Variants in UPF2 observed in about 807,000 individuals in gnomAD.
UPF2 encodes the protein UPF2 regulator of nonsense mediated mRNA decay.
UPF2 carries 17 observed loss-of-function variants against 141.4 expected under a neutral mutation model. That is an observed-to-expected ratio of 0.12 (90% confidence interval 0.08 to 0.18). The LOEUF is 0.18. Among genes scored for constraint, UPF2 ranks in the 10% least tolerant of loss-of-function variants. The probability of loss-of-function intolerance (pLI) is 1.00; values close to 1 mark genes in which losing one functional copy is unlikely to be tolerated. For synonymous variants in UPF2, 540 were observed against 498.0 expected (o/e 1.08, Z -1.12); for missense variants, 1,152 against 1,515.9 (o/e 0.76, Z 3.99).
chr10:11,970,121 A>G (rs912297059), intron 9 of UPF2, among the ~76,000 whole-genome samples: 1 of 152,208 alleles, frequency 6.6e-6, no homozygotes, highest in African/African-American at 2.4e-5. Context: ...CAAGTCATAT[A>G]AACTCCCTGA....
intron 4 of UPF2, among the ~76,000 whole-genome samples, chr10:12,011,284 C>T (rs1040094330): frequency 2.0e-5 from 3 of 152,208 alleles, no homozygotes; most frequent in Admixed American, 1.3e-4. Context: ...GCCATCATGC[C>T]GGGCCAAAAA....
intron 4 of UPF2, among the ~76,000 whole-genome samples, chr10:12,011,809 G>A (rs1161736777): frequency 6.6e-6 from 1 of 151,714 alleles, no homozygotes; most frequent in Non-Finnish European, 1.5e-5. Flanking sequence ...GCCGGGTGTA[G>A]TGGCACATGC....
chr10:12,004,996 T>C (rs1053259021), intron 4 of UPF2, among the ~76,000 whole-genome samples: 4 of 152,180 alleles, frequency 2.6e-5, no homozygotes, highest in African/African-American at 9.7e-5. Context: ...TGAGATTAAG[T>C]AGCCATTTGA....
intron 19 of UPF2, among the ~76,000 whole-genome samples, chr10:11,933,599 T>A (rs955007600): frequency 2.0e-5 from 3 of 152,196 alleles, no homozygotes; most frequent in African/African-American, 7.2e-5. Context: ...GAACCAAAAA[T>A]ATTCCTTCTA....
Position 11,950,013 on chromosome 10 carries a change from T to G in UPF2, c.3035-1505A>C, listed in dbSNP as rs910042964. 4.6e-5 allele frequency among the ~76,000 whole-genome samples: 7 copies of G among 152,186 alleles called. No individual in the cohort carries two copies. In the South Asian group the frequency reaches 1.5e-3, roughly 32 times the overall value. ...ATATGTGTAATGTCAAGAAAAAATT[T>G]CATAATGTATTAAGTAGAACCAATT... On this transcript the variant is annotated intron_variant, in intron 15 of 21. Coordinates refer to ENST00000357604, the MANE Select transcript of UPF2 (RefSeq NM_015542.4).
chr10:11,987,567 G>A (rs918666565), intron 8 of UPF2, among the ~76,000 whole-genome samples: 2 of 151,612 alleles, frequency 1.3e-5, no homozygotes, highest in Non-Finnish European at 2.9e-5. Flanking sequence ...TGACCAGCCT[G>A]GCCAACATCA....
At position 11,956,319 on chromosome 10, in the gene UPF2, C is replaced by A; in HGVS notation, c.2574+1G>T. On this transcript the variant is annotated splice_donor_variant, in intron 13 of 21. Coordinates refer to ENST00000357604, the MANE Select transcript of UPF2 (RefSeq NM_015542.4). LOFTEE classifies it high-confidence loss of function. This position sits in a 1 kb window ranked among gnomAD's most constrained non-coding sequence, Gnocchi z 4.2. ...GTGACATTAAAGGAAGTCTTGTTTA[C>A]CTCCATTCCTAATCGAATATCTTCT... 6.2e-7 allele frequency: 1 copy of A among 1,613,834 alleles called. No individual in the cohort carries two copies. Among genetic ancestry groups the A allele is most frequent in the Non-Finnish European group, 8.5e-7 (1 of 1,179,796 alleles).
intron 3 of UPF2, among the ~76,000 whole-genome samples, chr10:12,020,251 T>C (rs1834294075): frequency 6.7e-6 from 1 of 149,860 alleles, no homozygotes; most frequent in African/African-American, 2.5e-5. Flanking sequence ...ATAAATTTTA[T>C]TTTTTTTTTA....
intron 4 of UPF2, 31 bp downstream of exon 4, chr10:12,013,993 C>T: frequency 2.0e-6 from 3 of 1,465,232 alleles, no homozygotes; most frequent in Non-Finnish European, 1.8e-6. Flanking sequence ...TTACAGAAAA[C>T]ACAATGTTTG....
intron 9 of UPF2, 91 bp from the exon 10 acceptor site, chr10:11,967,545 A>AT: frequency 1.9e-3 from 721 of 388,682 alleles, no homozygotes; most frequent in Non-Finnish European, 2.4e-3. Context: ...AATTCACTCC[A>AT]GTTTTTTTTT....
chr10:11,953,028 A>C lies in UPF2; in HGVS notation c.2851-779T>G, dbSNP rs1183782910. ...AAATATATAAAAATCACTAATCATC[A>C]ACAAGCATTTATTGAATATCTACTG... is the stretch of plus-strand genomic sequence containing the variant. On this transcript the variant is annotated intron_variant, in intron 14 of 21. Transcript: ENST00000357604. The surrounding 1 kb of genome is among the most constrained non-coding windows in gnomAD (Gnocchi z 5.0). Among the ~76,000 whole-genome samples the C allele has an allele frequency of 6.6e-6, 1 of 152,180 alleles. No homozygotes were observed. The highest frequency in any genetic ancestry group is 1.5e-5 in the Non-Finnish European group (1 of 68,036).
Position 11,998,580 on chromosome 10 carries a change from C to T in UPF2, c.1759-823G>A, listed in dbSNP as rs1167607394. Reference sequence around the variant, plus strand: ...ATAAAAATCGCTCCTTGGATGGGCACGGTGGCTCACACCTGTAATTCTAGC... The same window carrying T: ...ATAAAAATCGCTCCTTGGATGGGCATGGTGGCTCACACCTGTAATTCTAGC... On this transcript the variant is annotated intron_variant, in intron 7 of 21. Transcript: ENST00000357604. This position sits in a 1 kb window ranked among gnomAD's most constrained non-coding sequence, Gnocchi z 4.5. 2.0e-5 allele frequency among the ~76,000 whole-genome samples: 3 copies of T among 152,078 alleles called. No individual in the cohort carries two copies. The highest frequency in any genetic ancestry group is 6.6e-5 in the Admixed American group (1 of 15,266).
At chr10:11,954,893 T>C (rs1349805514) in intron 14 of UPF2, among the ~76,000 whole-genome samples, 2 of 150,634 alleles carry the variant, frequency 1.3e-5, no homozygotes, top group African/African-American at 2.4e-5. Flanking sequence ...CATTAACAAA[T>C]GTATTACAAA....
chr10:11,938,857 T>TTTG (rs1564337785), intron 18 of UPF2, among the ~76,000 whole-genome samples: 19 of 68,278 alleles, frequency 2.8e-4, no homozygotes, highest in Non-Finnish European at 4.7e-4. Context: ...TTTTTTGTTT[T>TTTG]TTTTTTTTTT....
At chr10:12,039,779 C>T (rs184760475) in intron 1 of UPF2, among the ~76,000 whole-genome samples, 18 of 152,112 alleles carry the variant, frequency 1.2e-4, no homozygotes, top group African/African-American at 4.1e-4. Flanking sequence ...TGCCACCATG[C>T]CCGGCTAATT....
chr10:11,963,955 A>T, intron 11 of UPF2, 54 bp downstream of exon 11: 1 of 1,294,060 alleles, frequency 7.7e-7, no homozygotes, highest in Non-Finnish European at 1.1e-6. Flanking sequence ...TCAACCTCTG[A>T]AGCACAGGTA....
chr10:12,002,843 T>C (rs1490787507), intron 5 of UPF2, among the ~76,000 whole-genome samples: 11 of 152,154 alleles, frequency 7.2e-5, no homozygotes, highest in Admixed American at 2.6e-4. Flanking sequence ...TTTTCGCAAA[T>C]CAAATAAAAT....
chr10:12,040,773 G>C (rs964729183), intron 1 of UPF2, among the ~76,000 whole-genome samples: 3 of 152,196 alleles, frequency 2.0e-5, no homozygotes, highest in Admixed American at 6.6e-5. Context: ...TTATCAATAA[G>C]ATGGATATAC....
chr10:12,025,730 C>T (rs1403068029), intron 3 of UPF2, among the ~76,000 whole-genome samples: 1 of 152,118 alleles, frequency 6.6e-6, no homozygotes, highest in Non-Finnish European at 1.5e-5. Flanking sequence ...AAATTTTTAT[C>T]AATGACTTGA....
Sources: allele counts gnomAD v4.1 joint callset (sites outside exome capture counted in the v4.1 genomes callset), GRCh38; gene constraint gnomAD v4.1.1; non-coding constraint Gnocchi (gnomAD v3.1); transcripts MANE v1.5; gene names NCBI Gene and HGNC (gene_info 2026-07-23, HGNC 2026-07-21).